SIDT1: variants seen among roughly 807,000 people sequenced by gnomAD.
SIDT1 encodes the protein SID1 transmembrane family member 1.
In SIDT1, 101 loss-of-function variants were observed where a neutral mutation model predicts 107.5. That is an observed-to-expected ratio of 0.94 (90% CI 0.80 to 1.11). The LOEUF is 1.11. Ranked by LOEUF, SIDT1 falls within the 50% of genes least tolerant of loss-of-function variation. The pLI is 0.00. For synonymous variants in SIDT1, 395 were observed against 398.2 expected, an observed-to-expected ratio of 0.99 and a Z score of 0.10; for missense variants, 1,076 against 1,058.2, an observed-to-expected ratio of 1.02 and a Z score of -0.23.
chr3:113,542,035 T>C (rs774704960), intron 1 of SIDT1, among the ~76,000 whole-genome samples: 2 of 151,752 alleles, frequency 1.3e-5, no homozygotes, highest in African/African-American at 2.4e-5. Context: ...GCAATTCACC[T>C]GCCTCAGCCT....
chr3:113,581,896 G>A (rs1043560239), intron 6 of SIDT1: 1 of 157,078 alleles, frequency 6.4e-6, no homozygotes, highest in Non-Finnish European at 1.4e-5. Context: ...GGTGATGGTA[G>A]ACAATGCTAC....
chr3:113,608,966 G>A (rs1372092056), intron 17 of SIDT1, among the ~76,000 whole-genome samples: 2 of 151,640 alleles, frequency 1.3e-5, no homozygotes, highest in East Asian at 1.9e-4. Context: ...GGTTCCAGAA[G>A]CCTTCAATTA....
intron 4 of SIDT1, among the ~76,000 whole-genome samples, chr3:113,578,382 G>A (rs186355373): frequency 2.6e-5 from 4 of 151,718 alleles, no homozygotes; most frequent in Non-Finnish European, 5.9e-5. Context: ...CAGGAGAATG[G>A]CGTGAACCCG....
At chr3:113,536,346 T>C (rs1938162609) in intron 1 of SIDT1, among the ~76,000 whole-genome samples, 1 of 152,370 alleles carries the variant, frequency 6.6e-6, no homozygotes, top group South Asian at 2.1e-4. Context: ...CTGGTTTCCC[T>C]TTAACCTGAA....
chr3:113,593,056 C>A lies in SIDT1; in HGVS notation c.1045+8C>A, dbSNP rs751764063. 2.5e-6 allele frequency: 4 copies of A among 1,610,762 alleles called. No individual in the cohort carries two copies. Among genetic ancestry groups the A allele is most frequent in the Non-Finnish European group, 3.4e-6 (4 of 1,176,936 alleles). ...GCTTTGGGTCCAATGATGGTAAGAG[C>A]AATGCTTGGTTTCAATTCAAAATGG... On this transcript the variant is annotated splice_region_variant and intron_variant, in intron 10 of 24. Transcript: ENST00000264852.
chr3:113,539,818 A>C (rs1938600805), intron 1 of SIDT1, among the ~76,000 whole-genome samples: 9 of 152,068 alleles, frequency 5.9e-5, no homozygotes, highest in African/African-American at 2.2e-4. Flanking sequence ...GCCTGGCCAA[A>C]ATGGCGAAAC....
At chr3:113,619,504 C>A (rs1946317268) in intron 20 of SIDT1, among the ~76,000 whole-genome samples, 176 bp from the exon 21 acceptor site, 1 of 152,220 alleles carries the variant, frequency 6.6e-6, no homozygotes, top group Non-Finnish European at 1.5e-5. Flanking sequence ...AAAAGCCTTG[C>A]CATTTAGTCT....
chr3:113,567,900 C>A (rs1001510327), intron 3 of SIDT1, 190 bp downstream of exon 3: 1 of 554,566 alleles, frequency 1.8e-6, no homozygotes, highest in Non-Finnish European at 3.1e-6. Flanking sequence ...AGTGGGAGTG[C>A]AGAAGGTAAG....
At chr3:113,622,187 G>A (rs564339131) in intron 21 of SIDT1, among the ~76,000 whole-genome samples, 208 of 152,106 alleles carry the variant, frequency 1.4e-3, no homozygotes, top group African/African-American at 4.9e-3. Flanking sequence ...ATTTCAGGCC[G>A]GGCGCGGTGG....
intron 3 of SIDT1, among the ~76,000 whole-genome samples, chr3:113,569,138 CAAAAAAAAAA>C (rs780715523): frequency 1.1e-4 from 6 of 55,488 alleles, no homozygotes; most frequent in African/African-American, 4.1e-4. Flanking sequence ...GACTCCCTCT[CAAAAAAAAAA>C]AAAAAAAAAA....
intron 1 of SIDT1, among the ~76,000 whole-genome samples, chr3:113,555,375 C>T (rs891263486): frequency 6.6e-6 from 1 of 152,204 alleles, no homozygotes; most frequent in Non-Finnish European, 1.5e-5. Flanking sequence ...TATGTCTACA[C>T]TGCTGATTAA....
intron 24 of SIDT1, 39 bp from the exon 25 acceptor site, chr3:113,627,607 C>A (rs948653319): frequency 1.3e-6 from 2 of 1,590,674 alleles, no homozygotes; most frequent in Non-Finnish European, 1.7e-6. Context: ...GTGACAGTGA[C>A]TGTCCATTCC....
chr3:113,535,676 A>G (rs6776974), intron 1 of SIDT1, among the ~76,000 whole-genome samples: 20,276 of 152,240 alleles, frequency 0.13, 1,871 homozygotes, highest in African/African-American at 0.26. Flanking sequence ...AACCATGGGA[A>G]CAGGAGATAA....
chr3:113,571,717 T>A (rs899341807), intron 3 of SIDT1, among the ~76,000 whole-genome samples: 4 of 152,230 alleles, frequency 2.6e-5, no homozygotes, highest in African/African-American at 9.6e-5. Context: ...GCAGATCACC[T>A]GAGGTCAGGA....
intron 1 of SIDT1, among the ~76,000 whole-genome samples, chr3:113,555,717 A>G (rs9827772): frequency 0.062 from 9,384 of 152,308 alleles, 531 homozygotes; most frequent in African/African-American, 0.15. Context: ...CCGAGAATTT[A>G]AAAGTAAAGG....
At chr3:113,606,852 T>A in intron 14 of SIDT1, 189 bp from the exon 15 acceptor site, 2 of 494,094 alleles carry the variant, frequency 4.0e-6, no homozygotes, top group Non-Finnish European at 7.3e-6. Flanking sequence ...AGATGGTAAC[T>A]TTTTTGTAAA....
chr3:113,599,438 T>C (rs1311523743), intron 10 of SIDT1, among the ~76,000 whole-genome samples: 1 of 152,274 alleles, frequency 6.6e-6, no homozygotes, highest in Non-Finnish European at 1.5e-5. Context: ...TCTTGAGCAC[T>C]ATATGAAAGT....
At chr3:113,588,386 T>A (rs1222476357) in intron 9 of SIDT1, among the ~76,000 whole-genome samples, 6 of 152,192 alleles carry the variant, frequency 3.9e-5, no homozygotes, top group Admixed American at 6.5e-5. Context: ...AATAAAAAGT[T>A]TTCTGTAAAA....
In SIDT1 at chr3:113,551,646, C is replaced by T. The variant is rs147601149; in HGVS notation, c.223-14774C>T. Among the ~76,000 whole-genome samples the T allele has an allele frequency of 1.4e-3, 219 of 151,714 alleles. 1 individual carries two copies. Among genetic ancestry groups the T allele is most frequent in the African/African-American group, 4.1e-3 (169 of 41,432 alleles). The stretch of plus-strand genomic sequence containing the variant: ...AAACTGAAACAAGATTTTTTATTAT[C>T]GTTTTCCCCCAACGAATTGTCCAGC... On this transcript the variant is annotated intron_variant, in intron 1 of 24. Coordinates refer to ENST00000264852, the MANE Select transcript of SIDT1 (RefSeq NM_017699.3).
Sources: allele counts gnomAD v4.1 joint callset (sites outside exome capture counted in the v4.1 genomes callset), GRCh38; gene constraint gnomAD v4.1.1; transcripts MANE v1.5; gene names NCBI Gene and HGNC (gene_info 2026-07-23, HGNC 2026-07-21).